Variants in SNCAIP observed in about 807,000 individuals in gnomAD.
The protein encoded by SNCAIP is synuclein alpha interacting protein.
Under a neutral mutation model 86.7 loss-of-function variants are expected in SNCAIP, and 43 were observed. The ratio of observed to expected loss-of-function variants is 0.50; its 90% CI spans 0.39 to 0.64. The LOEUF (loss-of-function observed/expected upper bound fraction) is 0.64. SNCAIP is among the 30% of genes least tolerant of loss of function. The pLI, the probability that SNCAIP is intolerant of heterozygous loss-of-function variation, is 0.00. For missense variants in SNCAIP, 981 were observed against 1,103.1 expected (o/e 0.89, Z 1.57); for synonymous variants, 417 against 427.2 (o/e 0.98, Z 0.29).
intron 6 of SNCAIP, chr5:122,437,074 A>G (rs1243726724): frequency 6.6e-6 from 1 of 152,196 alleles, no homozygotes; most frequent in Non-Finnish European, 1.5e-5. Flanking sequence ...CTCTGAAAGC[A>G]ATACTTATGG....
chr5:122,418,198 G>C (rs1775681118), intron 3 of SNCAIP, among the ~76,000 whole-genome samples: 2 of 152,312 alleles, frequency 1.3e-5, no homozygotes, highest in African/African-American at 4.8e-5. Flanking sequence ...GGAATCATGA[G>C]TGCTGAGATG....
intron 5 of SNCAIP, among the ~76,000 whole-genome samples, chr5:122,426,426 T>C (rs1777383678): frequency 1.3e-5 from 2 of 152,192 alleles, no homozygotes; most frequent in Non-Finnish European, 2.9e-5. Context: ...GAACGTTACA[T>C]TTAAAAAACC....
intron 1 of SNCAIP, among the ~76,000 whole-genome samples, chr5:122,374,842 T>TAG (rs1415789304): frequency 1.3e-5 from 2 of 152,176 alleles, no homozygotes; most frequent in Admixed American, 1.3e-4. Flanking sequence ...TAATACTTCC[T>TAG]AGCTGAATTT....
intron 1 of SNCAIP, among the ~76,000 whole-genome samples, chr5:122,364,291 C>T (rs1230792665): frequency 6.6e-6 from 1 of 152,216 alleles, no homozygotes; most frequent in African/African-American, 2.4e-5. Flanking sequence ...CTTAGGGCTG[C>T]GCTGTCTGTG....
In SNCAIP at chr5:122,444,628, C is replaced by T. The variant is rs762109336; in HGVS notation, c.1488C>T (p.Ser496=). The T allele has an allele frequency of 4.2e-5, 67 of 1,614,066 alleles. No individual in the cohort carries two copies. Among genetic ancestry groups the T allele is most frequent in the Non-Finnish European group, 5.5e-5 (65 of 1,179,942 alleles). Residue 496 remains serine, a synonymous_variant, in exon 8 of 11, where the codon AGC becomes AGT. Transcript: ENST00000261368. The part of the protein sequence containing the change: ...QNHAGEKPSQ[S]AERQGHTLCS... ...ACGCTGGGGAAAAGCCCTCCCAGAGCGCCGAGCGGCAGGGGCACACCCTGT... is the reference window on the plus strand; with the variant it reads ...ACGCTGGGGAAAAGCCCTCCCAGAGTGCCGAGCGGCAGGGGCACACCCTGT...
chr5:122,320,965 G>A (rs1752803273), intron 1 of SNCAIP, among the ~76,000 whole-genome samples: 2 of 152,134 alleles, frequency 1.3e-5, no homozygotes, highest in South Asian at 4.1e-4. Context: ...CGGTCCCCCT[G>A]TTGTCTCTTT....
intron 2 of SNCAIP, among the ~76,000 whole-genome samples, chr5:122,402,338 A>G (rs1772001624): frequency 6.6e-6 from 1 of 152,158 alleles, no homozygotes; most frequent in South Asian, 2.1e-4. Flanking sequence ...CATAATGTGA[A>G]AGGAAAAAAA....
At chr5:122,399,778 T>A (rs1771391147) in intron 2 of SNCAIP, among the ~76,000 whole-genome samples, 1 of 152,144 alleles carries the variant, frequency 6.6e-6, no homozygotes, top group African/African-American at 2.4e-5. Flanking sequence ...AATGGACATA[T>A]GCCTAACATC....
chr5:122,413,024 G>T (rs1290968610), intron 3 of SNCAIP, among the ~76,000 whole-genome samples: 1 of 152,188 alleles, frequency 6.6e-6, no homozygotes, highest in African/African-American at 2.4e-5. Context: ...GATCTTTGGA[G>T]AAGTGATTAG....
At chr5:122,363,830 A>G (rs200727409) in intron 1 of SNCAIP, among the ~76,000 whole-genome samples, 4 of 70,028 alleles carry the variant, frequency 5.7e-5, no homozygotes, top group Non-Finnish European at 1.1e-4. Flanking sequence ...TTATTTATTT[A>G]TTTATTTTTA....
At position 122,360,273 on chromosome 5, in the gene SNCAIP, G is replaced by T. The variant is rs577316895; in HGVS notation, c.-46-30816G>T. Among the ~76,000 whole-genome samples the T allele has an allele frequency of 2.0e-5, 3 of 152,292 alleles. No individual in the cohort carries two copies. In the South Asian group the frequency reaches 6.2e-4, roughly 32 times the overall value. ...TGTAAGAATGTTTGCAAGTGCTTCA[G>T]ATGTCTATAGTGGCACCAATGGAAT... On this transcript the variant is annotated intron_variant, in intron 1 of 10. Transcript: ENST00000261368.
At chr5:122,452,908 T>C in intron 10 of SNCAIP, 2 of 1,523,580 alleles carry the variant, frequency 1.3e-6, no homozygotes, top group Non-Finnish European at 1.8e-6. Flanking sequence ...AGATGATTTT[T>C]AATTGCACCT....
At chr5:122,334,566 G>A (rs147221048) in intron 1 of SNCAIP, among the ~76,000 whole-genome samples, 2 of 152,340 alleles carry the variant, frequency 1.3e-5, no homozygotes, top group East Asian at 1.9e-4. Flanking sequence ...CATGCCGTGC[G>A]ACTAGCACAG....
chr5:122,397,898 G>A (rs1770956712), intron 2 of SNCAIP, among the ~76,000 whole-genome samples: 1 of 152,088 alleles, frequency 6.6e-6, no homozygotes, highest in African/African-American at 2.4e-5. Context: ...AGACAAGGGG[G>A]GTGAATTTAA....
In SNCAIP at chr5:122,343,627, C is replaced by G. The variant is rs188922323; in HGVS notation, c.-47+31343C>G. Among the ~76,000 whole-genome samples the G allele has an allele frequency of 2.6e-5, 4 of 152,320 alleles. No individual in the cohort carries two copies. In the East Asian group the frequency reaches 7.7e-4, roughly 29 times the overall value. On this transcript the variant is annotated intron_variant, in intron 1 of 10. Transcript: ENST00000261368. ...GTTTTCTCTGAGGGTTTTAGAAAAG[C>G]CGGTTATATACCTCAATCGCTATGG...
rs769124091 is a variant in SNCAIP at position 122,349,377 on chromosome 5, A to C, written c.-47+37093A>C. On this transcript the variant is annotated intron_variant, in intron 1 of 10. Transcript: ENST00000261368. ...TGTTTAAAGCTTCCCAGGAGATTCT[A>C]ATGACTACCACTGATAATACCTCTA... 3.3e-5 allele frequency among the ~76,000 whole-genome samples: 5 copies of C among 152,118 alleles called. 1 individual carries two copies. The highest frequency in any genetic ancestry group is 7.3e-5 in the Non-Finnish European group (5 of 68,030).
chr5:122,455,955 T>C (rs569556263), intron 10 of SNCAIP, among the ~76,000 whole-genome samples: 50 of 152,358 alleles, frequency 3.3e-4, no homozygotes, highest in Non-Finnish European at 6.3e-4. Flanking sequence ...TTTTAAGTTA[T>C]TGTAACTCCA....
At chr5:122,367,177 A>C (rs765436537) in intron 1 of SNCAIP, among the ~76,000 whole-genome samples, 1 of 152,086 alleles carries the variant, frequency 6.6e-6, no homozygotes, top group Admixed American at 6.5e-5. Flanking sequence ...ATCTGTACAC[A>C]TAGGTATTAG....
At chr5:122,405,237 T>C (rs1170796087) in intron 3 of SNCAIP, among the ~76,000 whole-genome samples, 1 of 152,214 alleles carries the variant, frequency 6.6e-6, no homozygotes, top group Non-Finnish European at 1.5e-5. Context: ...TGACTAGTTA[T>C]CTACAAAATA....
Sources: gnomAD v4.1 joint callset for allele counts (sites outside exome capture counted in the v4.1 genomes callset) on GRCh38, gnomAD v4.1.1 for gene constraint, MANE v1.5 for transcripts, NCBI Gene and HGNC (gene_info 2026-07-23, HGNC 2026-07-21) for gene names.